Variants in ITPR1 observed in about 807,000 individuals in gnomAD.
ITPR1 encodes the protein inositol 1,4,5-trisphosphate receptor type 1, also known as inositol 1,4,5-trisphosphate-gated calcium channel ITPR1.
In ITPR1, 96 loss-of-function variants were observed where a neutral mutation model predicts 318.4. The ratio of observed to expected loss-of-function variants is 0.30; its 90% confidence interval spans 0.26 to 0.36. The LOEUF (loss-of-function observed/expected upper bound fraction) is 0.36. Ranked by LOEUF, ITPR1 falls within the 10% of genes least tolerant of loss-of-function variation. The pLI is 1.00. For missense variants in ITPR1, 2,440 were observed against 3,460.2 expected, an observed-to-expected ratio of 0.71 and a Z score of 7.40; for synonymous variants, 1,312 against 1,289.9, an observed-to-expected ratio of 1.02 and a Z score of -0.37.
intron 4 of ITPR1, among the ~76,000 whole-genome samples, chr3:4,612,829 G>T (rs528385461): frequency 5.9e-5 from 9 of 152,320 alleles, no homozygotes; most frequent in African/African-American, 2.2e-4. Flanking sequence ...GGAGGTTGCA[G>T]TGAGCCAAGA....
At chr3:4,703,047 A>C (rs2094688611) in intron 36 of ITPR1, 97 bp downstream of exon 36, 1 of 1,354,694 alleles carries the variant, frequency 7.4e-7, no homozygotes, top group Non-Finnish European at 1.0e-6. Flanking sequence ...AACTCTTCTA[A>C]AGTTACACAG....
chr3:4,584,617 G>A (rs1269380267), intron 4 of ITPR1, among the ~76,000 whole-genome samples: 7 of 151,730 alleles, frequency 4.6e-5, no homozygotes, highest in South Asian at 2.1e-4. Context: ...GGAGGGGGCC[G>A]AAGGAAACGT....
At chr3:4,765,620 C>T (rs1321112765) in intron 44 of ITPR1, among the ~76,000 whole-genome samples, 1 of 151,828 alleles carries the variant, frequency 6.6e-6, no homozygotes, top group Non-Finnish European at 1.5e-5. Flanking sequence ...TTGAAATTGG[C>T]AGAAGATACA....
At chr3:4,519,335 A>C (rs2082387883) in intron 3 of ITPR1, among the ~76,000 whole-genome samples, 1 of 151,942 alleles carries the variant, frequency 6.6e-6, no homozygotes, top group Non-Finnish European at 1.5e-5. Context: ...CAAGCAATTC[A>C]TCTGCCTCAG....
chr3:4,531,162 C>T (rs1395040813), intron 4 of ITPR1, among the ~76,000 whole-genome samples: 1 of 152,128 alleles, frequency 6.6e-6, no homozygotes, highest in Non-Finnish European at 1.5e-5. Flanking sequence ...GAGGACCACA[C>T]AGTGTCTGCC....
intron 56 of ITPR1, among the ~76,000 whole-genome samples, chr3:4,812,484 A>G (rs1333725434): frequency 6.6e-6 from 1 of 152,242 alleles, no homozygotes; most frequent in African/African-American, 2.4e-5. Context: ...TACACATAGC[A>G]AGAACAGAAG....
rs548591317 is a variant in ITPR1, at chr3:4,784,769, C to T, written c.6615+849C>T. On this transcript the variant is annotated intron_variant, in intron 51 of 61. Coordinates refer to ENST00000649015, the MANE Select transcript of ITPR1 (RefSeq NM_001378452.1). ...AAAATTAGCCAGGCGTGGTGGCACA[C>T]GCCTGTAATTCCAGCTACTTGGGAG... Among the ~76,000 whole-genome samples, 444 of 150,620 alleles carry T rather than the reference C, an allele frequency of 2.9e-3. 1 individual carries two copies. The highest frequency in any genetic ancestry group is 6.0e-3 in the African/African-American group (247 of 41,104).
At chr3:4,558,481 A>G (rs575946066) in intron 4 of ITPR1, among the ~76,000 whole-genome samples, 74 of 152,266 alleles carry the variant, frequency 4.9e-4, no homozygotes, top group African/African-American at 1.5e-3. Flanking sequence ...AATATAGACA[A>G]TAGATGGTAA....
chr3:4,559,023 TTAG>T (rs1438696319), intron 4 of ITPR1, among the ~76,000 whole-genome samples: 1 of 152,128 alleles, frequency 6.6e-6, no homozygotes, highest in African/African-American at 2.4e-5. Flanking sequence ...TTTAATTTTA[TTAG>T]TAGTAGTATT....
chr3:4,510,449 G>T (rs2081725788), intron 2 of ITPR1, among the ~76,000 whole-genome samples: 1 of 152,222 alleles, frequency 6.6e-6, no homozygotes, highest in Non-Finnish European at 1.5e-5. Context: ...GTCCAGTTGA[G>T]AAATGATACT....
At position 4,731,833 on chromosome 3, in the gene ITPR1, TCCAGACCTATTC is replaced by T. The variant is rs2042948602; in HGVS notation, c.5221-1254_5221-1243del. ...TTTTGCAAATGCCTCACTTGAAATCTCCAGACCTATTCTCAGAGCTTATTAACAAATCATTTT... is the reference window on the plus strand; with the variant it reads ...TTTTGCAAATGCCTCACTTGAAATCTTCAGAGCTTATTAACAAATCATTTT... On this transcript the variant is annotated intron_variant, in intron 42 of 61. Transcript: ENST00000649015. Among the ~76,000 whole-genome samples, 6 of 152,308 alleles carry T rather than the reference TCCAGACCTATTC, an allele frequency of 3.9e-5. No individual in the cohort carries two copies. The South Asian group carries it at 1.2e-3, about 32-fold the overall frequency.
intron 4 of ITPR1, among the ~76,000 whole-genome samples, chr3:4,586,956 C>T (rs113769708): frequency 0.017 from 2,651 of 152,200 alleles, 75 homozygotes; most frequent in African/African-American, 0.061. Context: ...CCTGCGGGTT[C>T]TCTAAGGCAT....
rs576710930 is a variant in ITPR1, at chr3:4,721,274, A to G, written c.5136+3875A>G. Among the ~76,000 whole-genome samples, 82 of 150,922 alleles carry G rather than the reference A, an allele frequency of 5.4e-4. 1 individual carries two copies. The highest frequency in any genetic ancestry group is 1.9e-3 in the African/African-American group (77 of 40,782). On this transcript the variant is annotated intron_variant, in intron 40 of 61. Transcript: ENST00000649015. ...GGTCATGTCAGAATGTGTTTTTAAA[A>G]AATGAACTTTGCTATTGGGTTCTGA... is the stretch of plus-strand genomic sequence containing the variant.
intron 24 of ITPR1, among the ~76,000 whole-genome samples, chr3:4,678,563 G>T (rs1455676122): frequency 2.0e-5 from 3 of 152,194 alleles, no homozygotes; most frequent in Non-Finnish European, 4.4e-5. Context: ...ATCCACAGGG[G>T]TTTATAGTCT....
chr3:4,640,153 A>G (rs1366302282), intron 6 of ITPR1, among the ~76,000 whole-genome samples: 5 of 152,196 alleles, frequency 3.3e-5, no homozygotes, highest in Non-Finnish European at 7.3e-5. Context: ...CCAACTATTG[A>G]GCACCTAGAC....
chr3:4,607,149 C>T (rs2091760369), intron 4 of ITPR1, among the ~76,000 whole-genome samples: 1 of 152,284 alleles, frequency 6.6e-6, no homozygotes, highest in Admixed American at 6.5e-5. Context: ...CTGGCAGTGA[C>T]TTGAGTCCTA....
chr3:4,602,035 A>G (rs2091324943), intron 4 of ITPR1, among the ~76,000 whole-genome samples: 1 of 152,228 alleles, frequency 6.6e-6, no homozygotes, highest in South Asian at 2.1e-4. Flanking sequence ...AAGATGTACA[A>G]TAATAAGCAG....
chr3:4,787,553 C>T (rs1364537646), intron 51 of ITPR1, among the ~76,000 whole-genome samples: 1 of 85,032 alleles, frequency 1.2e-5, no homozygotes, highest in East Asian at 5.0e-4. Flanking sequence ...AAAAAAAAAG[C>T]CAGGCGTGAA....
intron 40 of ITPR1, among the ~76,000 whole-genome samples, chr3:4,724,148 T>C (rs2042348037): frequency 6.6e-6 from 1 of 152,176 alleles, no homozygotes; most frequent in Non-Finnish European, 1.5e-5. Context: ...AGGGAAGTTT[T>C]CTCCCTGAGA....
Sources: gnomAD v4.1 joint callset for allele counts (sites outside exome capture counted in the v4.1 genomes callset) on GRCh38, gnomAD v4.1.1 for gene constraint, MANE v1.5 for transcripts, NCBI Gene and HGNC (gene_info 2026-07-23, HGNC 2026-07-21) for gene names.